PPP2R3A: variants seen among roughly 807,000 people sequenced by gnomAD.
The protein encoded by PPP2R3A is protein phosphatase 2 regulatory subunit B''alpha, also known as serine/threonine-protein phosphatase 2A regulatory subunit B'' subunit alpha.
In PPP2R3A, 80 loss-of-function variants were observed where a neutral mutation model predicts 106.9. That is an observed-to-expected ratio of 0.75 (90% CI 0.62 to 0.90). The LOEUF (loss-of-function observed/expected upper bound fraction) is 0.90. Ranked by LOEUF, PPP2R3A falls within the 40% of genes least tolerant of loss-of-function variation. The pLI, the probability that PPP2R3A is intolerant of heterozygous loss-of-function variation, is 0.00. For missense variants in PPP2R3A, 1,386 were observed against 1,350.4 expected (o/e 1.03, Z -0.41); for synonymous variants, 483 against 468.3 (o/e 1.03, Z -0.41).
intron 6 of PPP2R3A, among the ~76,000 whole-genome samples, chr3:136,075,317 T>G (rs1936559692): frequency 6.6e-6 from 1 of 152,216 alleles, no homozygotes; most frequent in Non-Finnish European, 1.5e-5. Context: ...ATTTGATATT[T>G]TAAATGATGA....
At chr3:135,991,694 C>A (rs1247063132) in intron 1 of PPP2R3A, among the ~76,000 whole-genome samples, 1 of 152,160 alleles carries the variant, frequency 6.6e-6, no homozygotes, top group Non-Finnish European at 1.5e-5. Flanking sequence ...AGCCATTTTT[C>A]ATCCTGTTTT....
intron 2 of PPP2R3A, among the ~76,000 whole-genome samples, chr3:136,005,302 C>T (rs145782527): frequency 1.1e-4 from 16 of 152,100 alleles, no homozygotes; most frequent in African/African-American, 3.9e-4. Context: ...TTCCAAAATC[C>T]AAAAAAATTC....
intron 5 of PPP2R3A, among the ~76,000 whole-genome samples, chr3:136,068,436 T>C (rs1936326874): frequency 6.6e-6 from 1 of 152,170 alleles, no homozygotes. Flanking sequence ...GAGAACTGCA[T>C]GAACCCAGGA....
rs1300110731 is a variant in PPP2R3A, at chr3:136,137,599, T to C, written c.3330-7444T>C. 3.6e-5 allele frequency among the ~76,000 whole-genome samples: 5 copies of C among 137,688 alleles called. No homozygotes were observed. In the East Asian group the frequency reaches 1.2e-3, roughly 34 times the overall value. 90.3% of individuals were successfully genotyped at this position (137,688 alleles called of 152,430 possible). A position where few individuals can be genotyped will look rare whatever the true frequency, so the allele number is the denominator to read the frequency against. On this transcript the variant is annotated intron_variant, in intron 13 of 13. Transcript: ENST00000264977. ...CTCTGTCGCCTAGGCTGGAGTGCAG[T>C]AGCGCGATCTCCGCTCACTGCAAGC...
chr3:136,040,804 C>T (rs551736059), intron 3 of PPP2R3A, 55 bp from the exon 4 acceptor site: 12 of 1,424,188 alleles, frequency 8.4e-6, no homozygotes, highest in East Asian at 4.9e-5. Flanking sequence ...TTTCTTTGGC[C>T]GTGTCATCTC....
intron 5 of PPP2R3A, among the ~76,000 whole-genome samples, chr3:136,060,648 C>T (rs1353054292): frequency 6.6e-6 from 1 of 152,146 alleles, no homozygotes; most frequent in East Asian, 1.9e-4. Context: ...AGGCATGCCT[C>T]CTGTACAGTC....
chr3:135,978,247 G>A lies in PPP2R3A; in HGVS notation c.-441+12398G>A, dbSNP rs1052302698. On this transcript the variant is annotated intron_variant, in intron 1 of 13. Coordinates refer to ENST00000264977, the MANE Select transcript of PPP2R3A (RefSeq NM_002718.5). ...GGCATTTATTATTTCCTATTCTTAA[G>A]CCTGTTCTAGAGAAAATAATTTCAG... Among the ~76,000 whole-genome samples, 2 of 148,852 alleles carry A rather than the reference G, an allele frequency of 1.3e-5. 1 individual carries two copies. The highest frequency in any genetic ancestry group is 1.3e-4 in the Admixed American group (2 of 15,158).
At chr3:135,995,658 A>G (rs1933365618) in intron 1 of PPP2R3A, among the ~76,000 whole-genome samples, 3 of 151,896 alleles carry the variant, frequency 2.0e-5, no homozygotes, top group South Asian at 2.1e-4. Context: ...TTTTTAGTAG[A>G]GATGGGGTCT....
chr3:136,040,786 A>G (rs1935239232), intron 3 of PPP2R3A, 73 bp from the exon 4 acceptor site: 1 of 1,315,292 alleles, frequency 7.6e-7, no homozygotes, highest in East Asian at 2.6e-5. Context: ...TAAAAGCCAC[A>G]AAGATCTTTT....
At position 136,049,356 on chromosome 3, in the gene PPP2R3A, C is replaced by A; in HGVS notation, c.2464C>A (p.Leu822Ile). Residue 822 changes from leucine (L) to isoleucine (I), a missense_variant, in exon 5 of 14, where the codon CTT (leucine) becomes ATT (isoleucine). Coordinates refer to ENST00000264977, the MANE Select transcript of PPP2R3A (RefSeq NM_002718.5). ...AGAACAGGAGGATTTCATCCCTCTACTTCAGGTAATTTTCATCTCCTTTTG... is the reference window on the plus strand; with the variant it reads ...AGAACAGGAGGATTTCATCCCTCTAATTCAGGTAATTTTCATCTCCTTTTG... ...SLEQEDFIPL[L>I]QDVVDTHPGL... The A allele has an allele frequency of 6.3e-7, 1 of 1,599,156 alleles. No individual in the cohort carries two copies.
chr3:136,070,043 CA>C (rs1390263908), intron 5 of PPP2R3A, among the ~76,000 whole-genome samples: 1 of 151,766 alleles, frequency 6.6e-6, no homozygotes, highest in Non-Finnish European at 1.5e-5. Flanking sequence ...TTTTTTTTTC[CA>C]AAAAGAATTT....
At chr3:136,062,477 A>T (rs972909629) in intron 5 of PPP2R3A, among the ~76,000 whole-genome samples, 1 of 150,692 alleles carries the variant, frequency 6.6e-6, no homozygotes, top group Non-Finnish European at 1.5e-5. Context: ...TAATCCTAGC[A>T]CTTTGGGAGG....
chr3:136,033,798 A>G (rs1410337286), intron 3 of PPP2R3A, among the ~76,000 whole-genome samples: 1 of 151,882 alleles, frequency 6.6e-6, no homozygotes, highest in Non-Finnish European at 1.5e-5. Flanking sequence ...AGTCTTGCTA[A>G]TGGTCTATCA....
chr3:136,031,819 T>C (rs768685828), intron 3 of PPP2R3A, among the ~76,000 whole-genome samples: 1 of 152,242 alleles, frequency 6.6e-6, no homozygotes, highest in Non-Finnish European at 1.5e-5. Flanking sequence ...GCTGTAAGTA[T>C]TGGGCTTTAT....
intron 4 of PPP2R3A, among the ~76,000 whole-genome samples, chr3:136,047,754 A>T (rs112090295): frequency 0.011 from 1,642 of 152,204 alleles, 25 homozygotes; most frequent in African/African-American, 0.037. Flanking sequence ...ACAAAAAAAA[A>T]TTTAGGCAGG....
At chr3:136,101,944 C>A in intron 10 of PPP2R3A, 63 bp from the exon 11 acceptor site, 1 of 1,482,334 alleles carries the variant, frequency 6.7e-7, no homozygotes, top group Non-Finnish European at 9.2e-7. Flanking sequence ...AAGAAACATA[C>A]TAAATCTGGA....
intron 2 of PPP2R3A, among the ~76,000 whole-genome samples, chr3:136,011,463 T>G (rs1321673590): frequency 6.6e-6 from 1 of 152,140 alleles, no homozygotes; most frequent in African/African-American, 2.4e-5. Flanking sequence ...AAATTTTTCC[T>G]TACAACCAAC....
chr3:136,034,869 G>A (rs1486552573), intron 3 of PPP2R3A, among the ~76,000 whole-genome samples: 1 of 152,068 alleles, frequency 6.6e-6, no homozygotes, highest in African/African-American at 2.4e-5. Flanking sequence ...CATTTCTTAG[G>A]TCTATTAGTA....
At chr3:135,984,194 TC>T (rs1216836102) in intron 1 of PPP2R3A, among the ~76,000 whole-genome samples, 1 of 152,112 alleles carries the variant, frequency 6.6e-6, no homozygotes, top group Non-Finnish European at 1.5e-5. Context: ...AGTTGAGAAA[TC>T]TGGAATTGTA....
Sources: allele counts gnomAD v4.1 joint callset (sites outside exome capture counted in the v4.1 genomes callset), GRCh38; gene constraint gnomAD v4.1.1; transcripts MANE v1.5; gene names NCBI Gene and HGNC (gene_info 2026-07-23, HGNC 2026-07-21).